SLC24A2: variants seen among roughly 807,000 people sequenced by gnomAD.
SLC24A2 encodes solute carrier family 24 member 2.
A neutral mutation model predicts 62.0 loss-of-function variants in SLC24A2; 36 were observed. That is an observed-to-expected ratio of 0.58 (90% CI 0.44 to 0.77). The LOEUF is 0.77. SLC24A2 is among the 30% of genes least tolerant of loss of function. The probability of loss-of-function intolerance (pLI) is 0.00; values close to 1 mark genes in which losing one functional copy is unlikely to be tolerated. For missense variants in SLC24A2, 846 were observed against 817.9 expected, an observed-to-expected ratio of 1.03 and a Z score of -0.42; for synonymous variants, 358 against 294.0, an observed-to-expected ratio of 1.22 and a Z score of -2.23.
chr9:19,758,827 T>G (rs1189018551), intron 2 of SLC24A2, among the ~76,000 whole-genome samples: 1 of 152,190 alleles, frequency 6.6e-6, no homozygotes, highest in African/African-American at 2.4e-5. Flanking sequence ...ATCACTGCTG[T>G]CAGTAATTCC....
At chr9:19,789,344 G>A (rs186409073), upstream of SLC24A2, among the ~76,000 whole-genome samples, 14 of 152,346 alleles carry the variant, frequency 9.2e-5, no homozygotes, top group East Asian at 2.7e-3. Flanking sequence ...CTTATGCTGG[G>A]CACCGCCTCT....
At chr9:20,173,254 C>G in the SLC24A2 span, among the ~76,000 whole-genome samples, 2 of 151,972 alleles carry the variant, frequency 1.3e-5, no homozygotes, top group Non-Finnish European at 2.9e-5. Flanking sequence ...GAAGGCATTC[C>G]CTCTGAGAAC....
chr9:19,872,292 G>A, the SLC24A2 span, among the ~76,000 whole-genome samples: 2 of 152,214 alleles, frequency 1.3e-5, no homozygotes, highest in Admixed American at 6.5e-5. Flanking sequence ...GGGACTCAAA[G>A]CCTTGGAAGG....
chr9:20,149,887 T>A, the SLC24A2 span, among the ~76,000 whole-genome samples: 1 of 151,976 alleles, frequency 6.6e-6, no homozygotes, highest in African/African-American at 2.4e-5. Context: ...AGCCCCTTCC[T>A]CAAAGGTTAA....
At chr9:19,815,013 T>A in the SLC24A2 span, among the ~76,000 whole-genome samples, 9 of 152,196 alleles carry the variant, frequency 5.9e-5, no homozygotes. Flanking sequence ...TCCCTCAGAC[T>A]GATTGGTCTG....
At chr9:20,058,627 A>C in the SLC24A2 span, among the ~76,000 whole-genome samples, 1 of 152,160 alleles carries the variant, frequency 6.6e-6, no homozygotes, top group Non-Finnish European at 1.5e-5. Flanking sequence ...CAAATATATC[A>C]AATACAGGCT....
At chr9:19,840,167 T>C in the SLC24A2 span, among the ~76,000 whole-genome samples, 8 of 152,330 alleles carry the variant, frequency 5.3e-5, no homozygotes, top group South Asian at 1.0e-3. Flanking sequence ...AGATGGTTAA[T>C]TGTAGTCATT....
the SLC24A2 span, among the ~76,000 whole-genome samples, chr9:20,137,873 A>G: frequency 6.2e-4 from 94 of 152,340 alleles, 1 homozygote; most frequent in African/African-American, 2.1e-3. Flanking sequence ...ATCTCACTCA[A>G]TATTGATGAT....
the SLC24A2 span, among the ~76,000 whole-genome samples, chr9:19,888,654 C>CAAAAAAAAA: frequency 6.6e-6 from 1 of 152,040 alleles, no homozygotes; most frequent in South Asian, 2.1e-4. Flanking sequence ...TGGTACTGAT[C>CAAAAAAAAA]TTGGTTTTAC....
At chr9:20,035,474 C>G in the SLC24A2 span, among the ~76,000 whole-genome samples, 1 of 152,126 alleles carries the variant, frequency 6.6e-6, no homozygotes, top group East Asian at 1.9e-4. Context: ...TTGAAACAGG[C>G]TGTGCATGGT....
At chr9:20,275,459 TA>T in the SLC24A2 span, among the ~76,000 whole-genome samples, 1 of 152,202 alleles carries the variant, frequency 6.6e-6, no homozygotes, top group African/African-American at 2.4e-5. Flanking sequence ...TAGAAATATC[TA>T]CCTCTGCTCA....
At chr9:19,930,181 A>C in the SLC24A2 span, among the ~76,000 whole-genome samples, 1 of 152,198 alleles carries the variant, frequency 6.6e-6, no homozygotes, top group African/African-American at 2.4e-5. Context: ...CTTCACATTT[A>C]CTTATCACTC....
chr9:20,083,788 C>A, the SLC24A2 span, among the ~76,000 whole-genome samples: 1 of 152,168 alleles, frequency 6.6e-6, no homozygotes, highest in Non-Finnish European at 1.5e-5. Context: ...TACATTAGAG[C>A]CTGATATAAA....
the SLC24A2 span, among the ~76,000 whole-genome samples, chr9:20,067,305 G>A: frequency 6.6e-6 from 1 of 152,196 alleles, no homozygotes; most frequent in South Asian, 2.1e-4. Context: ...AAACACTAGT[G>A]ACAGGATGGG....
the SLC24A2 span, among the ~76,000 whole-genome samples, chr9:19,838,183 A>G: frequency 1.3e-5 from 2 of 152,342 alleles, no homozygotes; most frequent in Admixed American, 6.5e-5. Flanking sequence ...ACAAGGCTGC[A>G]GTAACCAAAA....
the SLC24A2 span, among the ~76,000 whole-genome samples, chr9:20,039,577 G>T: frequency 2.6e-5 from 4 of 152,102 alleles, no homozygotes; most frequent in Non-Finnish European, 5.9e-5. Flanking sequence ...TGTGGAAATA[G>T]GCAGCAAGTC....
the SLC24A2 span, among the ~76,000 whole-genome samples, chr9:19,869,184 T>C: frequency 6.6e-6 from 1 of 152,138 alleles, no homozygotes; most frequent in Non-Finnish European, 1.5e-5. Context: ...TCTCCCTATG[T>C]TACCTAGGCT....
At chr9:20,065,588 T>C in the SLC24A2 span, among the ~76,000 whole-genome samples, 353 of 152,322 alleles carry the variant, frequency 2.3e-3, 8 homozygotes, top group East Asian at 0.062. Flanking sequence ...TAACCTACAT[T>C]GTTATACCTA....
At chr9:19,551,062 A>C (rs553649151) in intron 7 of SLC24A2, among the ~76,000 whole-genome samples, 1 of 152,218 alleles carries the variant, frequency 6.6e-6, no homozygotes, top group African/African-American at 2.4e-5. Context: ...AAGGAACATT[A>C]GGACTGATTT....
Sources: allele counts gnomAD v4.1 joint callset (sites outside exome capture counted in the v4.1 genomes callset), GRCh38; gene constraint gnomAD v4.1.1; transcripts MANE v1.5; gene names NCBI Gene and HGNC (gene_info 2026-07-23, HGNC 2026-07-21).